Variants in DHRS4L2 observed in about 807,000 individuals in gnomAD.
DHRS4L2 encodes dehydrogenase/reductase 4 like 2.
DHRS4L2 carries 22 observed loss-of-function variants against 23.9 expected under a neutral mutation model. That is an observed-to-expected ratio of 0.92 (90% CI 0.66 to 1.31). DHRS4L2 has a LOEUF of 1.31. Among genes scored for constraint, DHRS4L2 ranks in the 40% most tolerant of loss-of-function variants. The pLI is 0.00. For missense variants in DHRS4L2, 385 were observed against 303.3 expected (o/e 1.27, Z -2.00); for synonymous variants, 141 against 123.7 (o/e 1.14, Z -0.93).
chr14:23,970,796 G>C (rs1315740295), intron 1 of DHRS4L2, among the ~76,000 whole-genome samples: 2 of 152,032 alleles, frequency 1.3e-5, no homozygotes, highest in African/African-American at 4.8e-5. Flanking sequence ...AGCAATATTT[G>C]CTGTTCTGCA....
At chr14:23,989,202 AAGT>A (rs2034214146) in intron 1 of DHRS4L2, 127 bp downstream of exon 1, 1 of 1,469,504 alleles carries the variant, frequency 6.8e-7, no homozygotes, top group Admixed American at 2.2e-5. Flanking sequence ...CATGGAAAAA[AAGT>A]AGCCACGTGG....
chr14:23,999,276 C>T (rs1012222697), intron 3 of DHRS4L2, among the ~76,000 whole-genome samples: 18 of 128,390 alleles, frequency 1.4e-4, no homozygotes, highest in Non-Finnish European at 2.5e-4. Flanking sequence ...GACCCAGAGA[C>T]AAAGTGAGCA....
In DHRS4L2 at chr14:23,979,169, T is replaced by G. The variant is rs1226344058; in HGVS notation, c.-176+8837T>G. ...ATCCTGGTCTCCGATAAAACAGACT[T>G]TAAACCAACAAAGATCAAAAGAGAC... On this transcript the variant is annotated intron_variant, in intron 1 of 5. Coordinates refer to the DHRS4L2 transcript ENST00000534993. 1.3e-5 allele frequency among the ~76,000 whole-genome samples: 2 copies of G among 148,752 alleles called. 1 individual carries two copies. Among genetic ancestry groups the G allele is most frequent in the African/African-American group, 5.0e-5 (2 of 40,122 alleles).
intron 1 of DHRS4L2, 101 bp downstream of exon 1, chr14:23,989,176 A>G (rs2034213348): frequency 2.0e-6 from 3 of 1,502,128 alleles, no homozygotes; most frequent in Admixed American, 2.1e-5. Flanking sequence ...GACCTCACAT[A>G]CCGCCAAAGT....
chr14:23,989,487 C>G lies in DHRS4L2; in HGVS notation c.128+412C>G, dbSNP rs531691362. Among the ~76,000 whole-genome samples the G allele has an allele frequency of 2.0e-5, 3 of 151,672 alleles. 1 individual carries two copies. The highest frequency in any genetic ancestry group is 7.2e-5 in the African/African-American group (3 of 41,392). On this transcript the variant is annotated intron_variant, in intron 1 of 7. Coordinates refer to ENST00000335125, the MANE Select transcript of DHRS4L2 (RefSeq NM_198083.4). The stretch of plus-strand genomic sequence containing the variant: ...GGCTCCAGAAAGTGTCCCGGAACCC[C>G]TCCCCCTTACCTAGATGGGACACCA...
chr14:24,001,080 C>G lies in DHRS4L2; in HGVS notation c.527C>G (p.Ser176Cys), dbSNP rs1358202038. ...TCTTCCATAGCAGCCTTCAGTCCAT[C>G]TCCTGTAAGAACCCTTTTGTCTACC... Reference protein sequence around the residue: ...IVSSIAAFSPSPGFSPYNVSK... With the variant: ...IVSSIAAFSPCPGFSPYNVSK... The change falls in exon 5 of 8, where the codon TCT (serine) becomes TGT (cysteine). Residue 176 changes from serine (S) to cysteine (C), a missense_variant. By Grantham distance (112) the Ser-to-Cys change is moderately radical (BLOSUM62 -1). Coordinates refer to ENST00000335125, the MANE Select transcript of DHRS4L2 (RefSeq NM_198083.4). 6.2e-7 allele frequency: 1 copy of G among 1,611,046 alleles called. No homozygotes were observed. Among genetic ancestry groups the G allele is most frequent in the East Asian group, 2.2e-5 (1 of 44,882 alleles).
chr14:23,973,478 G>C (rs1463297343), intron 1 of DHRS4L2, among the ~76,000 whole-genome samples: 2 of 152,090 alleles, frequency 1.3e-5, no homozygotes, highest in East Asian at 3.9e-4. Context: ...TGGCCAGAGT[G>C]GGTGCTGAGG....
chr14:23,996,721 A>C (rs1434319669), intron 3 of DHRS4L2, among the ~76,000 whole-genome samples: 2 of 148,292 alleles, frequency 1.3e-5, no homozygotes, highest in Non-Finnish European at 3.0e-5. Context: ...GCTCACTGCA[A>C]CCTCAGCCTC....
intron 3 of DHRS4L2, among the ~76,000 whole-genome samples, chr14:23,997,815 T>G (rs1470217004): frequency 2.0e-5 from 3 of 151,710 alleles, no homozygotes; most frequent in Non-Finnish European, 4.4e-5. Context: ...TCTTCCAGAC[T>G]CCTGTAAATC....
chr14:23,995,250 G>T lies in DHRS4L2; in HGVS notation c.408+117G>T, dbSNP rs1394662608. ...TGTAAATGTGAGGACTCTTTGCCAC[G>T]TGCCACACACCTGGAGCACACCTTG... On this transcript the variant is annotated intron_variant, in intron 3 of 7. Transcript: ENST00000335125. 6.3e-6 allele frequency: 7 copies of T among 1,119,704 alleles called. No individual in the cohort carries two copies. The African/African-American group carries it at 9.3e-5, about 15-fold the overall frequency. 69.4% of individuals were successfully genotyped at this position (1,119,704 alleles called of 1,614,324 possible).
At chr14:23,976,735 G>A (rs2877592) in intron 1 of DHRS4L2, among the ~76,000 whole-genome samples, 6 of 151,840 alleles carry the variant, frequency 4.0e-5, no homozygotes, top group South Asian at 2.1e-4. Context: ...CTGGATAAAG[G>A]AAATGTGGCA....
rs566612932 is a variant in DHRS4L2 at position 23,991,807 on chromosome 14, G to A, written c.306+1448G>A. Among the ~76,000 whole-genome samples, 7 of 149,976 alleles carry A rather than the reference G, an allele frequency of 4.7e-5. No homozygotes were observed. The South Asian group carries it at 1.5e-3, about 32-fold the overall frequency. ...GCTGAAGTGATATGGCACAATCTCA[G>A]CTCACTGCAACCTACGCCTCCAGGT... On this transcript the variant is annotated intron_variant, in intron 2 of 7. Transcript: ENST00000335125.
rs577021790 is a variant in DHRS4L2, at chr14:24,004,605, T to C, written c.*22+213T>C. 8.8e-4 allele frequency: 714 copies of C among 811,858 alleles called. 37 individuals carry two copies. Among genetic ancestry groups the C allele is most frequent in the Non-Finnish European group, 1.3e-3 (657 of 498,428 alleles). 50.3% of individuals were successfully genotyped at this position (811,858 alleles called of 1,614,324 possible). A position where few individuals can be genotyped will look rare whatever the true frequency, so the allele number is the denominator to read the frequency against. ...AGGTAAACACAGAGACATCGGGGTT[T>C]CAGCAGTGCAGAGGTCTCGGAGAAG... is the stretch of plus-strand genomic sequence containing the variant. On this transcript the variant is annotated intron_variant, in intron 7 of 7. Coordinates refer to ENST00000335125, the MANE Select transcript of DHRS4L2 (RefSeq NM_198083.4).
intron 1 of DHRS4L2, among the ~76,000 whole-genome samples, chr14:23,982,357 G>T (rs2034070224): frequency 6.6e-6 from 1 of 151,548 alleles, no homozygotes; most frequent in South Asian, 2.1e-4. Context: ...CTCAAGGTCG[G>T]GGCTAAAGTT....
Position 24,001,033 on chromosome 14 carries a change from A to G in DHRS4L2, c.480A>G (p.Gly160=), listed in dbSNP as rs745554089. Residue 160 remains glycine, a splice_region_variant and synonymous_variant, in exon 5 of 8, where the codon GGA becomes GGG. Transcript: ENST00000335125. ...ACGGTCAGCTCTCTTCTTTTTCCAG[A>G]GGCGGCTCAGTGGTGATCGTGTCTT... The part of the protein sequence containing the change: ...KAVVPEMEKR[G]GGSVVIVSSI... 1.2e-5 allele frequency: 19 copies of G among 1,611,408 alleles called. 1 individual carries two copies. In the African/African-American group the frequency reaches 2.4e-4, roughly 21 times the overall value.
At chr14:23,996,420 T>C in intron 3 of DHRS4L2, among the ~76,000 whole-genome samples, 1 of 151,218 alleles carries the variant, frequency 6.6e-6, no homozygotes, top group East Asian at 1.9e-4. Flanking sequence ...TGATTCTAGT[T>C]TGAGCTAGTT....
exon 1 of DHRS4L2, chr14:23,970,261 A>C (rs995658381): frequency 6.0e-5 from 27 of 450,824 alleles, no homozygotes; most frequent in Non-Finnish European, 1.1e-4. Flanking sequence ...CCAGACTCTA[A>C]GGCAGCCCCT....
chr14:23,990,483 C>A, intron 2 of DHRS4L2, 124 bp downstream of exon 2: 1 of 1,378,814 alleles, frequency 7.3e-7, no homozygotes, highest in South Asian at 1.5e-5. Flanking sequence ...TGTCCATATA[C>A]TAACGTCAGA....
In DHRS4L2 at chr14:23,972,885, T is replaced by C. The variant is rs557507553; in HGVS notation, c.-176+2553T>C. Among the ~76,000 whole-genome samples, 24 of 152,104 alleles carry C rather than the reference T, an allele frequency of 1.6e-4. 2 individuals are homozygous for C. In the South Asian group the frequency reaches 4.2e-3, roughly 26 times the overall value. On this transcript the variant is annotated intron_variant, in intron 1 of 5. Coordinates refer to the DHRS4L2 transcript ENST00000534993. ...TCAGTTCAAGGGAAGGTACTATGAC[T>C]GGACGTGCACGTAAGCCAGATTTAT...
Sources: gnomAD v4.1 joint callset for allele counts (sites outside exome capture counted in the v4.1 genomes callset) on GRCh38, gnomAD v4.1.1 for gene constraint, MANE v1.5 for transcripts, NCBI Gene and HGNC (gene_info 2026-07-23, HGNC 2026-07-21) for gene names.